The following CACNG4 variants were observed in gnomAD, a reference collection of about 807,000 sequenced individuals.
CACNG4 encodes the protein voltage-dependent calcium channel gamma-4 subunit.
Under a neutral mutation model 22.9 loss-of-function variants are expected in CACNG4, and 8 were observed. The ratio of observed to expected loss-of-function variants is 0.35; its 90% CI spans 0.21 to 0.63. CACNG4 has a LOEUF of 0.63. CACNG4 is among the 30% of genes least tolerant of loss of function. The probability of loss-of-function intolerance (pLI) is 0.72; values close to 1 mark genes in which losing one functional copy is unlikely to be tolerated. For missense variants in CACNG4, 357 were observed against 455.4 expected (o/e 0.78, Z 1.97); for synonymous variants, 188 against 191.9 (o/e 0.98, Z 0.17).
intron 1 of CACNG4, among the ~76,000 whole-genome samples, chr17:66,997,163 G>A (rs2143318617): frequency 6.6e-6 from 1 of 152,296 alleles, no homozygotes; most frequent in South Asian, 2.1e-4. Context: ...AGGTGGTTTT[G>A]AGGGAAGCAG....
chr17:67,030,848 G>T lies in CACNG4; in HGVS notation c.828G>T (p.Met276Ile). ...CCATCCCCATGGGGGAGCTGTCCAT[G>T]TACACGCTGTCCAGGGAGCCCCTCA... ...TGAIPMGELS[M>I]YTLSREPLKV... Residue 276 changes from methionine to isoleucine, a missense_variant, in exon 4 of 4, where the codon ATG (methionine) becomes ATT (isoleucine). Met to Ile is a conservative substitution (Grantham distance 10, BLOSUM62 1). Around this residue, in one of 3 missense-constraint regions of CACNG4, gnomAD observed 240 missense variants for 277.6 expected, o/e 0.86. Transcript: ENST00000262138. This position sits in a 1 kb window ranked among gnomAD's most constrained non-coding sequence, Gnocchi z 6.4. The T allele has an allele frequency of 6.2e-7, 1 of 1,613,668 alleles. No individual in the cohort carries two copies.
At chr17:66,990,186 G>T (rs546043833) in intron 1 of CACNG4, among the ~76,000 whole-genome samples, 1 of 152,294 alleles carries the variant, frequency 6.6e-6, no homozygotes, top group South Asian at 2.1e-4. Flanking sequence ...CTGGTTGTTG[G>T]CAGAATTGAC....
intron 1 of CACNG4, among the ~76,000 whole-genome samples, chr17:67,014,528 C>G (rs1263852277): frequency 6.6e-6 from 1 of 152,168 alleles, no homozygotes; most frequent in African/African-American, 2.4e-5. Context: ...GTGGTTTGAG[C>G]TGGTCAGACC....
intron 3 of CACNG4, among the ~76,000 whole-genome samples, chr17:67,029,923 G>A (rs1301943698): frequency 6.6e-6 from 1 of 152,256 alleles, no homozygotes; most frequent in East Asian, 1.9e-4. Context: ...ATGTGAGGCT[G>A]TAGACACAAG....
intron 1 of CACNG4, among the ~76,000 whole-genome samples, chr17:66,987,957 G>A (rs182824016): frequency 6.6e-6 from 1 of 152,152 alleles, no homozygotes; most frequent in East Asian, 1.9e-4. Context: ...CCCAGTGTGT[G>A]CATACTCTAG....
intron 1 of CACNG4, among the ~76,000 whole-genome samples, chr17:66,969,438 C>T (rs2035190890): frequency 6.6e-6 from 1 of 152,234 alleles, no homozygotes; most frequent in Non-Finnish European, 1.5e-5. Context: ...GTGGCCCCCG[C>T]ACCTGTTTTG....
intron 1 of CACNG4, among the ~76,000 whole-genome samples, chr17:66,971,176 A>G (rs57587385): frequency 0.13 from 19,464 of 151,646 alleles, 1,548 homozygotes; most frequent in East Asian, 0.32. Flanking sequence ...GCCTCTGCCC[A>G]TAGCTTCCAC....
At chr17:67,014,943 C>CAAAAAAA (rs1163062678) in intron 1 of CACNG4, among the ~76,000 whole-genome samples, 1 of 95,346 alleles carries the variant, frequency 1.0e-5, no homozygotes. Context: ...TCTCCAAAAA[C>CAAAAAAA]AAAAAAAAAA....
At chr17:67,017,868 C>T (rs988059672) in intron 1 of CACNG4, among the ~76,000 whole-genome samples, 12 of 151,992 alleles carry the variant, frequency 7.9e-5, no homozygotes, top group African/African-American at 1.4e-4. Context: ...TAGAGGGATC[C>T]GACCTCCTGC....
intron 2 of CACNG4, among the ~76,000 whole-genome samples, chr17:67,021,143 G>C (rs1289852495): frequency 6.6e-6 from 1 of 152,110 alleles, no homozygotes; most frequent in Non-Finnish European, 1.5e-5. Context: ...TGAGGCTGCA[G>C]TGAGCCACGA....
At chr17:67,000,027 G>A (rs919125257) in intron 1 of CACNG4, among the ~76,000 whole-genome samples, 1 of 152,140 alleles carries the variant, frequency 6.6e-6, no homozygotes, top group Middle Eastern at 3.2e-3. Context: ...GAAATTAGTG[G>A]TGTCCAAATC....
rs2035597974 is a variant in CACNG4 at position 67,030,656 on chromosome 17, G to T, written c.636G>T (p.Glu212Asp). 1.2e-6 allele frequency: 2 copies of T among 1,614,226 alleles called. No homozygotes were observed. The highest frequency in any genetic ancestry group is 1.3e-5 in the African/African-American group (1 of 75,054). ...AVNIYIEKNK[E>D]LRFKTKREFL... The stretch of plus-strand genomic sequence containing the variant: ...ACATTTACATTGAGAAAAATAAAGA[G>T]TTGAGGTTTAAGACCAAACGGGAAT... The change falls in exon 4 of 4, where the codon GAG becomes GAT. Residue 212 changes from glutamate (E) to aspartate (D), a missense_variant. Transcript: ENST00000262138. The surrounding 1 kb of genome is among the most constrained non-coding windows in gnomAD (Gnocchi z 6.4).
At chr17:66,991,056 C>T (rs146187979) in intron 1 of CACNG4, among the ~76,000 whole-genome samples, 20 of 152,196 alleles carry the variant, frequency 1.3e-4, no homozygotes, top group African/African-American at 3.9e-4. Flanking sequence ...TGAGTCAAAC[C>T]GTAAAGCGCT....
At chr17:66,991,411 G>C in intron 1 of CACNG4, among the ~76,000 whole-genome samples, 2 of 152,184 alleles carry the variant, frequency 1.3e-5, no homozygotes, top group Non-Finnish European at 2.9e-5. Flanking sequence ...CCAGAAGCCA[G>C]ATCCCATAAG....
At chr17:66,999,604 A>G (rs2035395765) in intron 1 of CACNG4, among the ~76,000 whole-genome samples, 1 of 152,110 alleles carries the variant, frequency 6.6e-6, no homozygotes, top group South Asian at 2.1e-4. Context: ...GCACTTATAA[A>G]ACCATCAGAT....
rs1380853705 is a variant in CACNG4, at chr17:67,005,797, TG to T, written c.221-12388del. Among the ~76,000 whole-genome samples, 3 of 152,022 alleles carry T rather than the reference TG, an allele frequency of 2.0e-5. No individual in the cohort carries two copies. The East Asian group carries it at 5.8e-4, about 29-fold the overall frequency. ...AGTTCCCTGGACTGCTAGACACAGG[TG>T]GGGTCTTGGGGACAGGGCTCCTGCC... On this transcript the variant is annotated intron_variant, in intron 1 of 3. Transcript: ENST00000262138.
At chr17:67,014,774 T>C (rs975611997) in intron 1 of CACNG4, among the ~76,000 whole-genome samples, 1 of 151,914 alleles carries the variant, frequency 6.6e-6, no homozygotes, top group African/African-American at 2.4e-5. Flanking sequence ...CAGTCTCTAC[T>C]AAAAATACAA....
At position 67,030,008 on chromosome 17, in the gene CACNG4, G is replaced by A. The variant is rs1449721503; in HGVS notation, c.446-458G>A. The stretch of plus-strand genomic sequence containing the variant: ...TCTCCCGTAAAGGCCTGGTTAGGTG[G>A]GTCGTGAGACTTCTGTATGGCGGTG... On this transcript the variant is annotated intron_variant, in intron 3 of 3. Coordinates refer to ENST00000262138, the MANE Select transcript of CACNG4 (RefSeq NM_014405.4). This position sits in a 1 kb window ranked among gnomAD's most constrained non-coding sequence, Gnocchi z 6.4. Among the ~76,000 whole-genome samples, 2 of 152,166 alleles carry A rather than the reference G, an allele frequency of 1.3e-5. No homozygotes were observed. The highest frequency in any genetic ancestry group is 4.8e-5 in the African/African-American group (2 of 41,426).
At chr17:66,982,716 C>A (rs945352640) in intron 1 of CACNG4, among the ~76,000 whole-genome samples, 35 of 152,108 alleles carry the variant, frequency 2.3e-4, no homozygotes, top group African/African-American at 8.2e-4. Flanking sequence ...ACCACCATGC[C>A]CATCTAATTT....
Sources: gnomAD v4.1 joint callset for allele counts (sites outside exome capture counted in the v4.1 genomes callset) on GRCh38, gnomAD v4.1.1 for gene constraint, gnomAD v4.1.1 regional missense constraint, Gnocchi (gnomAD v3.1) non-coding constraint, MANE v1.5 for transcripts, NCBI Gene and HGNC (gene_info 2026-07-23, HGNC 2026-07-21) for gene names.